Variants in LFNG observed in about 807,000 individuals in gnomAD.
LFNG encodes beta-1,3-N-acetylglucosaminyltransferase lunatic fringe.
LFNG carries 15 observed loss-of-function variants against 32.7 expected under a neutral mutation model. The observed-to-expected ratio is 0.46, with a 90% CI of 0.31 to 0.71. The LOEUF (loss-of-function observed/expected upper bound fraction) is 0.71, where lower values mean the gene tolerates loss of function less well. LFNG is among the 30% of genes least tolerant of loss of function. The pLI is 0.06. For synonymous variants in LFNG, 274 were observed against 246.8 expected, an observed-to-expected ratio of 1.11 and a Z score of -1.03; for missense variants, 520 against 545.7, an observed-to-expected ratio of 0.95 and a Z score of 0.47.
At chr7:2,514,115 G>T (rs986970271), upstream of LFNG, among the ~76,000 whole-genome samples, 1 of 152,224 alleles carries the variant, frequency 6.6e-6, no homozygotes, top group Non-Finnish European at 1.5e-5. Flanking sequence ...TAGTGCCTAG[G>T]CACTGGGAAT....
intron 2 of LFNG, 37 bp from the exon 3 acceptor site, chr7:2,525,182 G>C: frequency 1.9e-6 from 3 of 1,580,436 alleles, no homozygotes; most frequent in Non-Finnish European, 2.6e-6. Flanking sequence ...TCTGGGAGCC[G>C]GCTCAGACCT....
chr7:2,513,400 T>G (rs1316558526), upstream of LFNG: 3 of 1,459,574 alleles, frequency 2.1e-6, no homozygotes, highest in African/African-American at 4.2e-5. Flanking sequence ...TATCCTTTGA[T>G]GCTGTATCGT....
At chr7:2,517,817 T>G, upstream of LFNG, 1 of 1,165,424 alleles carries the variant, frequency 8.6e-7, no homozygotes, top group Non-Finnish European at 1.1e-6. Context: ...AGTCACGAGG[T>G]GCGTGAATAT....
rs1193081613 is a variant in LFNG at position 2,528,202 on chromosome 7, G to T, written c.*990G>T. The T allele has an allele frequency of 1.0e-6, 1 of 985,646 alleles. No homozygotes were observed. The highest frequency in any genetic ancestry group is 1.2e-6 in the Non-Finnish European group (1 of 829,948). 61.1% of individuals were successfully genotyped at this position (985,646 alleles called of 1,614,324 possible). A position where few individuals can be genotyped will look rare whatever the true frequency, so the allele number is the denominator to read the frequency against. On this transcript the variant is annotated 3_prime_UTR_variant, in exon 8 of 8. Transcript: ENST00000222725. ...TGTCTGGCACTCTGTGTATTTATGC[G>T]TTCCAGCATCTGGAACCTCCCATCC...
chr7:2,515,116 A>C (rs908694632), upstream of LFNG, among the ~76,000 whole-genome samples: 4 of 151,232 alleles, frequency 2.6e-5, no homozygotes, highest in Non-Finnish European at 5.9e-5. Flanking sequence ...CTGCCCATCC[A>C]TCTGCCCCTC....
In LFNG at chr7:2,527,405, G is replaced by A. The variant is rs1780025855; in HGVS notation, c.*193G>A. On this transcript the variant is annotated 3_prime_UTR_variant, in exon 8 of 8. Transcript: ENST00000222725. This position sits in a 1 kb window ranked among gnomAD's most constrained non-coding sequence, Gnocchi z 4.4. ...TGCTGGGCAGTTCTGCTCTGTGGAG[G>A]GGCGGGCACCAGCGCCACTTATGTG... 6.8e-7 allele frequency: 1 copy of A among 1,467,564 alleles called. No individual in the cohort carries two copies. Among genetic ancestry groups the A allele is most frequent in the Admixed American group, 2.2e-5 (1 of 44,932 alleles). 90.9% of individuals were successfully genotyped at this position (1,467,564 alleles called of 1,614,324 possible).
upstream of LFNG, among the ~76,000 whole-genome samples, chr7:2,513,774 C>T (rs533523711): frequency 1.3e-5 from 2 of 152,358 alleles, no homozygotes; most frequent in South Asian, 2.1e-4. Context: ...CTGGACTCTG[C>T]AGGACGTCAG....
intron 2 of LFNG, 97 bp from the exon 3 acceptor site, chr7:2,525,122 G>T: frequency 9.3e-7 from 1 of 1,073,852 alleles, no homozygotes; most frequent in Non-Finnish European, 1.4e-6. Flanking sequence ...GAACTAGGGG[G>T]CTTTTCTCGA....
At chr7:2,513,400 T>C, upstream of LFNG, 9 of 1,459,692 alleles carry the variant, frequency 6.2e-6, no homozygotes, top group Non-Finnish European at 8.3e-6. Flanking sequence ...TATCCTTTGA[T>C]GCTGTATCGT....
In LFNG at chr7:2,525,478, A is replaced by T; in HGVS notation, c.646A>T (p.Ser216Cys). Reference sequence around the variant, plus strand: ...GCGGGCCCTGCTGCGGCTGCTGGCCAGCTACCCGCACACGCGGGACGTCTA... The same window carrying T: ...GCGGGCCCTGCTGCGGCTGCTGGCCTGCTACCCGCACACGCGGGACGTCTA... ...NLRALLRLLA[S>C]YPHTRDVYVG... The change falls in exon 4 of 8, where the codon AGC becomes TGC. Residue 216 changes from serine (S) to cysteine (C), a missense_variant. Around this residue, in one of 3 missense-constraint regions of LFNG, gnomAD observed 360 missense variants for 354.7 expected, o/e 1.01. Transcript: ENST00000222725. 1 of 1,612,578 alleles carries T rather than the reference A, an allele frequency of 6.2e-7. No homozygotes were observed. Among genetic ancestry groups the T allele is most frequent in the Non-Finnish European group, 8.5e-7 (1 of 1,179,880 alleles).
chr7:2,525,660 C>G (rs1219881801), intron 4 of LFNG, 25 bp from the exon 5 acceptor site: 3 of 1,612,880 alleles, frequency 1.9e-6, no homozygotes, highest in South Asian at 2.2e-5. Context: ...GCCTGGGTCT[C>G]AGGACACCTT....
At chr7:2,515,680 A>G (rs1457873168), upstream of LFNG, among the ~76,000 whole-genome samples, 1 of 152,248 alleles carries the variant, frequency 6.6e-6, no homozygotes, top group Non-Finnish European at 1.5e-5. Context: ...CCTGGTGGGC[A>G]GGGCGGGTGA....
chr7:2,524,035 G>A (rs1779868429), intron 1 of LFNG, among the ~76,000 whole-genome samples: 1 of 152,142 alleles, frequency 6.6e-6, no homozygotes. Context: ...ATGGTAATGG[G>A]CGGCGCGGCC....
upstream of LFNG, among the ~76,000 whole-genome samples, chr7:2,517,139 G>A (rs1407597702): frequency 6.6e-6 from 1 of 152,218 alleles, no homozygotes; most frequent in African/African-American, 2.4e-5. Context: ...GGGTCTGGAT[G>A]GGGAGGGAAG....
At chr7:2,517,096 G>T (rs577457256), upstream of LFNG, among the ~76,000 whole-genome samples, 64 of 152,306 alleles carry the variant, frequency 4.2e-4, no homozygotes, top group African/African-American at 1.5e-3. Flanking sequence ...TACCAGGGCT[G>T]TGTGGCCCAG....
In LFNG at chr7:2,520,257, G is replaced by A; in HGVS notation, c.396G>A (p.Leu132=). 1 of 1,610,238 alleles carries A rather than the reference G, an allele frequency of 6.2e-7. No homozygotes were observed. Among genetic ancestry groups the A allele is most frequent in the East Asian group, 2.2e-5 (1 of 44,458 alleles). The part of the protein sequence containing the change: ...TKKFHRARLD[L]LLETWISRHK... ...AGTTCCACCGCGCGCGCCTCGACCTGCTGCTGGAGACCTGGATCTCGCGCC... is the reference window on the plus strand; with the variant it reads ...AGTTCCACCGCGCGCGCCTCGACCTACTGCTGGAGACCTGGATCTCGCGCC... Residue 132 remains leucine (L), a synonymous_variant, in exon 1 of 8, where the codon CTG becomes CTA. Coordinates refer to ENST00000222725, the MANE Select transcript of LFNG (RefSeq NM_001040167.2). The surrounding 1 kb of genome is among the most constrained non-coding windows in gnomAD (Gnocchi z 5.0).
chr7:2,526,321 T>G lies in LFNG; in HGVS notation c.899T>G (p.Leu300Arg). ...DCTIGYIVEALLGVPLIRSGL... is the reference protein window; with the variant it reads ...DCTIGYIVEARLGVPLIRSGL... Reference sequence around the variant, plus strand: ...ACCATCGGCTACATCGTGGAGGCCCTGCTGGGTGTGCCCCTCATCCGCAGC... The same window carrying G: ...ACCATCGGCTACATCGTGGAGGCCCGGCTGGGTGTGCCCCTCATCCGCAGC... The change falls in exon 6 of 8, where the codon CTG becomes CGG. Residue 300 changes from leucine to arginine, a missense_variant. Leu to Arg is a moderately radical substitution (Grantham distance 102). Transcript: ENST00000222725. The surrounding 1 kb of genome is among the most constrained non-coding windows in gnomAD (Gnocchi z 6.9). 1 of 1,612,810 alleles carries G rather than the reference T, an allele frequency of 6.2e-7. No individual in the cohort carries two copies. The highest frequency in any genetic ancestry group is 8.5e-7 in the Non-Finnish European group (1 of 1,179,964).
chr7:2,525,450 C>T lies in LFNG; in HGVS notation c.618C>T (p.Asn206=), dbSNP rs756873042. ...FCHVDDDNYV[N]LRALLRLLAS... ...ACGTGGACGATGACAACTACGTCAA[C>T]CTGCGGGCCCTGCTGCGGCTGCTGG... Residue 206 remains asparagine (N), a synonymous_variant, in exon 4 of 8, where the codon AAC becomes AAT. Coordinates refer to ENST00000222725, the MANE Select transcript of LFNG (RefSeq NM_001040167.2). 5 of 1,612,788 alleles carry T rather than the reference C, an allele frequency of 3.1e-6. No individual in the cohort carries two copies. The highest frequency in any genetic ancestry group is 1.1e-5 in the South Asian group (1 of 91,072).
At chr7:2,521,850 G>T (rs1183833454) in intron 1 of LFNG, among the ~76,000 whole-genome samples, 2 of 152,208 alleles carry the variant, frequency 1.3e-5, no homozygotes, top group African/African-American at 4.8e-5. Flanking sequence ...GTAAGAGACT[G>T]GCAAAGCCTG....
Sources: gnomAD v4.1 joint callset for allele counts (sites outside exome capture counted in the v4.1 genomes callset) on GRCh38, gnomAD v4.1.1 for gene constraint, gnomAD v4.1.1 regional missense constraint, Gnocchi (gnomAD v3.1) non-coding constraint, MANE v1.5 for transcripts, NCBI Gene and HGNC (gene_info 2026-07-23, HGNC 2026-07-21) for gene names.